Variants in KIF16B observed in about 807,000 individuals in gnomAD.
The protein encoded by KIF16B is kinesin family member 16B.
In KIF16B, 98 loss-of-function variants were observed where a neutral mutation model predicts 156.3. That is an observed-to-expected ratio of 0.63 (90% confidence interval 0.53 to 0.74). The LOEUF (loss-of-function observed/expected upper bound fraction) is 0.74, where lower values mean the gene tolerates loss of function less well. KIF16B is among the 30% of genes least tolerant of loss of function. KIF16B has a pLI of 0.00. For synonymous variants in KIF16B, 564 were observed against 583.7 expected, an observed-to-expected ratio of 0.97 and a Z score of 0.49; for missense variants, 1,421 against 1,606.5, an observed-to-expected ratio of 0.88 and a Z score of 1.97.
chr20:16,432,018 G>T (rs181606047), intron 12 of KIF16B, among the ~76,000 whole-genome samples: 23 of 151,710 alleles, frequency 1.5e-4, no homozygotes, highest in African/African-American at 5.6e-4. Context: ...ATTAATATTT[G>T]CCAGAGGAAT....
chr20:16,291,591 AATCTCGTC>A (rs1213457938), intron 25 of KIF16B, among the ~76,000 whole-genome samples: 3 of 152,198 alleles, frequency 2.0e-5, no homozygotes, highest in Non-Finnish European at 4.4e-5. Flanking sequence ...ATCAAAGGGA[AATCTCGTC>A]ATCTAGGGGA....
intron 24 of KIF16B, among the ~76,000 whole-genome samples, chr20:16,319,472 G>T (rs1215008717): frequency 1.3e-5 from 2 of 152,138 alleles, no homozygotes; most frequent in African/African-American, 4.8e-5. Flanking sequence ...AAAAATAAAT[G>T]AAGATCAACA....
intron 25 of KIF16B, among the ~76,000 whole-genome samples, chr20:16,307,797 G>C (rs1024759128): frequency 6.6e-6 from 1 of 152,102 alleles, no homozygotes; most frequent in Non-Finnish European, 1.5e-5. Context: ...CTGGCAGTTC[G>C]AGAAATAGAA....
chr20:16,510,414 A>G (rs8184826), intron 6 of KIF16B, among the ~76,000 whole-genome samples: 36,208 of 152,068 alleles, frequency 0.24, 4,937 homozygotes, highest in East Asian at 0.36. Context: ...CACATTGGGA[A>G]GCCGAGGCAG....
chr20:16,428,227 T>C (rs2066408979), intron 14 of KIF16B, among the ~76,000 whole-genome samples: 1 of 152,296 alleles, frequency 6.6e-6, no homozygotes, highest in East Asian at 1.9e-4. Context: ...TGCACCAACC[T>C]AATACATGTA....
At chr20:16,277,934 C>G (rs1005315256) in intron 25 of KIF16B, among the ~76,000 whole-genome samples, 1 of 152,236 alleles carries the variant, frequency 6.6e-6, no homozygotes, top group African/African-American at 2.4e-5. Flanking sequence ...TGGACAGTGA[C>G]ACACCTGAGT....
intron 4 of KIF16B, among the ~76,000 whole-genome samples, chr20:16,514,505 T>A (rs1391521631): frequency 6.7e-6 from 1 of 149,304 alleles, no homozygotes; most frequent in African/African-American, 2.5e-5. Context: ...CCCTCAATCA[T>A]CTTCCACTAG....
intron 1 of KIF16B, among the ~76,000 whole-genome samples, chr20:16,559,668 C>T (rs2070987019): frequency 6.6e-6 from 1 of 152,060 alleles, no homozygotes; most frequent in South Asian, 2.1e-4. Context: ...GTCCCGGCTC[C>T]TCAGGAGGCT....
chr20:16,516,671 A>G (rs532098016), intron 3 of KIF16B, among the ~76,000 whole-genome samples: 1 of 152,298 alleles, frequency 6.6e-6, no homozygotes, highest in Admixed American at 6.5e-5. Context: ...GTGACACCAC[A>G]TCAGCCAACT....
intron 17 of KIF16B, among the ~76,000 whole-genome samples, chr20:16,384,844 G>C (rs1444256920): frequency 2.0e-5 from 3 of 152,084 alleles, no homozygotes; most frequent in African/African-American, 7.2e-5. Context: ...TTCTCTTACA[G>C]ACTGTTGCAG....
At chr20:16,411,608 A>G (rs1013616182) in intron 15 of KIF16B, among the ~76,000 whole-genome samples, 1 of 152,100 alleles carries the variant, frequency 6.6e-6, no homozygotes, top group African/African-American at 2.4e-5. Context: ...TGAGTAATGC[A>G]TGCAGGTCTT....
At position 16,302,088 on chromosome 20, in the gene KIF16B, T is replaced by A. The variant is rs145461399; in HGVS notation, c.3795+10247A>T. 2.7e-3 allele frequency among the ~76,000 whole-genome samples: 415 copies of A among 152,378 alleles called. 2 individuals are homozygous for A. The highest frequency in any genetic ancestry group is 7.7e-3 in the Admixed American group (118 of 15,308). ...TCTCAGTCTGTAGATTCCCTTCTCA[T>A]CCTCCTGACGGTGTCTTTTGCAGAG... On this transcript the variant is annotated intron_variant, in intron 25 of 25. Transcript: ENST00000354981.
intron 12 of KIF16B, among the ~76,000 whole-genome samples, chr20:16,485,454 G>T (rs1457494869): frequency 6.6e-6 from 1 of 152,226 alleles, no homozygotes; most frequent in Non-Finnish European, 1.5e-5. Context: ...TACTGCACAA[G>T]ACACTAGAAT....
In KIF16B at chr20:16,573,333, G is replaced by C. The variant is rs558737363; in HGVS notation, c.-58C>G. On this transcript the variant is annotated 5_prime_UTR_variant, in exon 1 of 26. Transcript: ENST00000354981. The stretch of plus-strand genomic sequence containing the variant: ...ACTAGCCCAGAACTCCGCGGTCGCC[G>C]GCGACGCTGGCTACTCAGATCGCGG... 5.1e-6 allele frequency: 8 copies of C among 1,574,360 alleles called. No individual in the cohort carries two copies. Among genetic ancestry groups the C allele is most frequent in the Admixed American group, 3.4e-5 (2 of 58,448 alleles).
At chr20:16,404,618 T>C (rs576752026) in intron 17 of KIF16B, among the ~76,000 whole-genome samples, 195 bp downstream of exon 17, 4 of 152,318 alleles carry the variant, frequency 2.6e-5, no homozygotes, top group Non-Finnish European at 4.4e-5. Context: ...AAACTGTTTA[T>C]GTTGTGATTA....
At chr20:16,454,942 C>T (rs1460875690) in intron 12 of KIF16B, among the ~76,000 whole-genome samples, 1 of 152,138 alleles carries the variant, frequency 6.6e-6, no homozygotes, top group Non-Finnish European at 1.5e-5. Flanking sequence ...TCAATATGTG[C>T]ATGGGACATC....
At chr20:16,406,336 G>T (rs16997573) in intron 16 of KIF16B, 38 bp downstream of exon 16, 4 of 1,566,790 alleles carry the variant, frequency 2.6e-6, no homozygotes, top group Non-Finnish European at 3.5e-6. Flanking sequence ...CCTCACATAC[G>T]ATCAGTGGTT....
chr20:16,431,913 T>TACACAC lies in KIF16B; in HGVS notation c.1303-1937_1303-1932dup, dbSNP rs74175693. Among the ~76,000 whole-genome samples the TACACAC allele has an allele frequency of 3.5e-3, 507 of 143,806 alleles. 5 individuals are homozygous for TACACAC. Among genetic ancestry groups the TACACAC allele is most frequent in the African/African-American group, 0.011 (405 of 38,146 alleles). 94.3% of individuals were successfully genotyped at this position (143,806 alleles called of 152,430 possible). On this transcript the variant is annotated intron_variant, in intron 12 of 25. Transcript: ENST00000354981. ...TACTATCCATTTATATGTATACGTA[T>TACACAC]ACACACACACACACACACACACACA...
At chr20:16,445,479 T>C (rs1348901219) in intron 12 of KIF16B, among the ~76,000 whole-genome samples, 2 of 150,182 alleles carry the variant, frequency 1.3e-5, no homozygotes, top group East Asian at 3.9e-4. Context: ...AGGGACTTTA[T>C]GAAACTAATT....
Sources: allele counts gnomAD v4.1 joint callset (sites outside exome capture counted in the v4.1 genomes callset), GRCh38; gene constraint gnomAD v4.1.1; transcripts MANE v1.5; gene names NCBI Gene and HGNC (gene_info 2026-07-23, HGNC 2026-07-21).